ZNF385D: variants seen among roughly 807,000 people sequenced by gnomAD.
ZNF385D encodes the protein zinc finger protein 385D.
ZNF385D carries 15 observed loss-of-function variants against 35.8 expected under a neutral mutation model. That is an observed-to-expected ratio of 0.42 (90% confidence interval 0.28 to 0.64). ZNF385D has a LOEUF of 0.64. ZNF385D is among the 30% of genes least tolerant of loss of function. The pLI is 0.23. For missense variants in ZNF385D, 474 were observed against 494.6 expected (o/e 0.96, Z 0.39); for synonymous variants, 212 against 186.8 (o/e 1.13, Z -1.10).
At chr3:22,316,131 C>A (rs563735363) in intron 2 of ZNF385D, among the ~76,000 whole-genome samples, 2 of 152,164 alleles carry the variant, frequency 1.3e-5, no homozygotes, top group Non-Finnish European at 2.9e-5. Flanking sequence ...CCCCCTCACC[C>A]GGAAGTGGAC....
At chr3:22,176,884 A>C (rs928222933) in intron 2 of ZNF385D, among the ~76,000 whole-genome samples, 2 of 152,226 alleles carry the variant, frequency 1.3e-5, no homozygotes, top group Non-Finnish European at 2.9e-5. Flanking sequence ...TTCAAGTAGA[A>C]TCTACTACTA....
At chr3:21,795,663 G>C (rs2072118330) in intron 3 of ZNF385D, among the ~76,000 whole-genome samples, 3 of 152,122 alleles carry the variant, frequency 2.0e-5, no homozygotes, top group Admixed American at 1.3e-4. Flanking sequence ...AATAAAGAAG[G>C]GGACAGAATG....
intron 3 of ZNF385D, among the ~76,000 whole-genome samples, chr3:21,544,726 C>A (rs2062310290): frequency 6.6e-6 from 1 of 152,066 alleles, no homozygotes; most frequent in Non-Finnish European, 1.5e-5. Context: ...AAGGTTTTTG[C>A]TTCTTTAAAA....
At chr3:21,772,794 T>C (rs935075781) in intron 3 of ZNF385D, among the ~76,000 whole-genome samples, 1 of 151,930 alleles carries the variant, frequency 6.6e-6, no homozygotes, top group Non-Finnish European at 1.5e-5. Flanking sequence ...TGCTAAAATC[T>C]GGAAGCAACC....
intron 3 of ZNF385D, among the ~76,000 whole-genome samples, chr3:21,922,556 A>T (rs997719116): frequency 6.6e-6 from 1 of 152,230 alleles, no homozygotes; most frequent in African/African-American, 2.4e-5. Flanking sequence ...CCTATTCAAT[A>T]AATTGTGTTG....
intron 3 of ZNF385D, among the ~76,000 whole-genome samples, chr3:22,117,155 A>T (rs1014759460): frequency 6.6e-6 from 1 of 152,040 alleles, no homozygotes; most frequent in Admixed American, 6.6e-5. Context: ...TACTTATGTT[A>T]ACAAACAGAA....
chr3:21,792,801 T>C (rs1013638593), intron 3 of ZNF385D, among the ~76,000 whole-genome samples: 1 of 152,238 alleles, frequency 6.6e-6, no homozygotes, highest in Non-Finnish European at 1.5e-5. Flanking sequence ...AGCTTTCATC[T>C]AGAGCATCCA....
At chr3:21,688,227 G>A (rs1011143749) in intron 1 of ZNF385D, among the ~76,000 whole-genome samples, 17 of 151,966 alleles carry the variant, frequency 1.1e-4, no homozygotes, top group African/African-American at 4.1e-4. Context: ...CCTTTGTTCT[G>A]TTGGAATAAT....
chr3:21,736,017 G>A (rs558319891), intron 1 of ZNF385D, among the ~76,000 whole-genome samples: 3 of 152,310 alleles, frequency 2.0e-5, no homozygotes, highest in Non-Finnish European at 2.9e-5. Flanking sequence ...CCAGTATTTT[G>A]GCACTCAAGT....
intron 2 of ZNF385D, among the ~76,000 whole-genome samples, chr3:21,618,625 T>G (rs368148719): frequency 6.6e-6 from 1 of 152,166 alleles, no homozygotes; most frequent in African/African-American, 2.4e-5. Flanking sequence ...ATATATATTT[T>G]TAAAATATGA....
At chr3:22,347,097 G>C (rs1345355154) in intron 2 of ZNF385D, among the ~76,000 whole-genome samples, 1 of 152,112 alleles carries the variant, frequency 6.6e-6, no homozygotes, top group Non-Finnish European at 1.5e-5. Flanking sequence ...GACATAAAGA[G>C]AGAGACACAT....
At chr3:21,854,358 C>T (rs3914316) in intron 3 of ZNF385D, among the ~76,000 whole-genome samples, 5,835 of 151,944 alleles carry the variant, frequency 0.038, 389 homozygotes, top group African/African-American at 0.13. Flanking sequence ...TCTCTTAAAA[C>T]GGAGCTCATA....
chr3:22,206,436 AGAT>A (rs1390373051), intron 2 of ZNF385D, among the ~76,000 whole-genome samples: 1 of 152,044 alleles, frequency 6.6e-6, no homozygotes, highest in African/African-American at 2.4e-5. Flanking sequence ...TGGACCTAAT[AGAT>A]ATTTACAGAG....
intron 3 of ZNF385D, among the ~76,000 whole-genome samples, chr3:22,024,035 G>T (rs1209390345): frequency 6.6e-6 from 1 of 152,114 alleles, no homozygotes; most frequent in African/African-American, 2.4e-5. Flanking sequence ...TGAGTAAGTG[G>T]ACTGGGAAAG....
intron 3 of ZNF385D, among the ~76,000 whole-genome samples, chr3:21,808,571 C>G (rs1400176378): frequency 6.6e-6 from 1 of 152,188 alleles, no homozygotes; most frequent in Non-Finnish European, 1.5e-5. Context: ...TGTGCCTCCT[C>G]TCCTTTGTGC....
At chr3:21,561,419 G>A (rs2062941123) in intron 3 of ZNF385D, among the ~76,000 whole-genome samples, 1 of 152,188 alleles carries the variant, frequency 6.6e-6, no homozygotes, top group Non-Finnish European at 1.5e-5. Flanking sequence ...AACCCCTTGT[G>A]CTTCCCAGGT....
chr3:21,974,379 G>C (rs956315072), intron 3 of ZNF385D, among the ~76,000 whole-genome samples: 1 of 151,906 alleles, frequency 6.6e-6, no homozygotes, highest in Non-Finnish European at 1.5e-5. Context: ...ATATACAAAA[G>C]AATAAAACTA....
intron 3 of ZNF385D, among the ~76,000 whole-genome samples, chr3:21,530,899 A>G (rs766640294): frequency 2.6e-5 from 4 of 152,188 alleles, no homozygotes; most frequent in Non-Finnish European, 4.4e-5. Context: ...TTGTTCTTAC[A>G]TCAAATGTTG....
At chr3:22,144,932 G>A (rs1477339801) in intron 3 of ZNF385D, among the ~76,000 whole-genome samples, 1 of 151,924 alleles carries the variant, frequency 6.6e-6, no homozygotes, top group Non-Finnish European at 1.5e-5. Context: ...AAAATATTTA[G>A]ACATGTAACA....
Sources: allele counts gnomAD v4.1 joint callset (sites outside exome capture counted in the v4.1 genomes callset), GRCh38; gene constraint gnomAD v4.1.1; transcripts MANE v1.5; gene names NCBI Gene and HGNC (gene_info 2026-07-23, HGNC 2026-07-21).